The following DIAPH2 variants were observed in gnomAD, a reference collection of about 807,000 sequenced individuals.
DIAPH2 encodes the protein protein diaphanous homolog 2.
Under a neutral mutation model 92.7 loss-of-function variants are expected in DIAPH2, and 35 were observed. The ratio of observed to expected loss-of-function variants is 0.38; its 90% CI spans 0.29 to 0.50. DIAPH2 has a LOEUF of 0.50. Ranked by LOEUF, DIAPH2 falls within the 20% of genes least tolerant of loss-of-function variation. The pLI is 0.94. For missense variants in DIAPH2, 701 were observed against 819.5 expected, an observed-to-expected ratio of 0.86 and a Z score of 1.77; for synonymous variants, 301 against 280.4, an observed-to-expected ratio of 1.07 and a Z score of -0.73.
chrX:97,368,663 C>T (rs1316968966), intron 24 of DIAPH2, among the ~76,000 whole-genome samples: 1 of 102,234 alleles, frequency 9.8e-6, no homozygotes, highest in Non-Finnish European at 2.0e-5. Flanking sequence ...TTAACCACAG[C>T]TCTTTTAAAA....
chrX:97,246,075 G>GT (rs1365094560), intron 22 of DIAPH2, among the ~76,000 whole-genome samples: 9 of 99,996 alleles, frequency 9.0e-5, no homozygotes, highest in Non-Finnish European at 1.6e-4. Context: ...GCTAATTTTT[G>GT]TATTTTTTTT....
At chrX:96,870,596 G>A (rs1207700277) in intron 4 of DIAPH2, among the ~76,000 whole-genome samples, 4 of 110,596 alleles carry the variant, frequency 3.6e-5, no homozygotes, top group African/African-American at 6.6e-5. Context: ...ATTTATTCAT[G>A]TGACAATTAG....
At chrX:97,503,941 G>A (rs2070815679) in intron 26 of DIAPH2, among the ~76,000 whole-genome samples, 1 of 111,550 alleles carries the variant, frequency 9.0e-6, no homozygotes, top group Non-Finnish European at 1.9e-5. Flanking sequence ...AGTCAGCTAT[G>A]TTAAGTAGCC....
rs751751337 is a variant in DIAPH2 at position 97,435,963 on chromosome X, C to T, written c.3241+6218C>T. On this transcript the variant is annotated intron_variant, in intron 26 of 26. Transcript: ENST00000324765. ...GCTGGGACTACAGGGCCTGCCACCA[C>T]GCCCGGCTAATTTTTGTATTTTTAG... Among the ~76,000 whole-genome samples, 90 of 110,068 alleles carry T rather than the reference C, an allele frequency of 8.2e-4. No homozygotes were observed. The Middle Eastern group carries it at 0.023, about 29-fold the overall frequency.
At chrX:97,435,812 T>C (rs2070178160) in intron 26 of DIAPH2, among the ~76,000 whole-genome samples, 1 of 96,965 alleles carries the variant, frequency 1.0e-5, no homozygotes. Flanking sequence ...CTTTTTTTCC[T>C]TTTTTTTTTT....
At chrX:97,167,114 T>G (rs1231267875) in intron 22 of DIAPH2, among the ~76,000 whole-genome samples, 1 of 111,965 alleles carries the variant, frequency 8.9e-6, no homozygotes, top group African/African-American at 3.2e-5. Context: ...TCAATGTACT[T>G]GTGGTCGCCC....
At chrX:97,477,622 CTATCTA>C (rs202057095) in intron 26 of DIAPH2, among the ~76,000 whole-genome samples, 52 of 109,377 alleles carry the variant, frequency 4.8e-4, no homozygotes, top group African/African-American at 1.6e-3. Flanking sequence ...ATCTATCTAT[CTATCTA>C]TATATATATA....
At chrX:97,182,277 C>T (rs1178358495) in intron 22 of DIAPH2, among the ~76,000 whole-genome samples, 1 of 111,554 alleles carries the variant, frequency 9.0e-6, no homozygotes, top group Non-Finnish European at 1.9e-5. Context: ...ATTTGAGGAG[C>T]AATAAGTAGT....
At chrX:96,888,047 C>T (rs1178760717) in intron 5 of DIAPH2, among the ~76,000 whole-genome samples, 1 of 108,394 alleles carries the variant, frequency 9.2e-6, no homozygotes, top group African/African-American at 3.4e-5. Flanking sequence ...TCAGCTCAGA[C>T]CTCTCTGTTT....
chrX:96,717,479 C>A (rs1198101477), intron 1 of DIAPH2, among the ~76,000 whole-genome samples: 2 of 108,038 alleles, frequency 1.9e-5, no homozygotes, highest in Non-Finnish European at 3.8e-5. Context: ...GACTGTATAT[C>A]CTCCCGATAA....
chrX:96,954,068 A>G (rs933522763), intron 15 of DIAPH2: 4 of 112,017 alleles, frequency 3.6e-5, no homozygotes, highest in Non-Finnish European at 7.5e-5. Flanking sequence ...CCACTGTGTT[A>G]AACAGGAGTG....
chrX:97,001,016 G>A (rs1354180919), intron 17 of DIAPH2, among the ~76,000 whole-genome samples: 1 of 112,224 alleles, frequency 8.9e-6, no homozygotes, highest in Non-Finnish European at 1.9e-5. Context: ...CCAGCTTTGA[G>A]AATACTGAAG....
intron 5 of DIAPH2, among the ~76,000 whole-genome samples, chrX:96,902,277 T>A (rs770289063): frequency 8.9e-6 from 1 of 112,260 alleles, no homozygotes; most frequent in South Asian, 3.8e-4. Context: ...GGAAGAATGT[T>A]CTGTAGATTT....
intron 23 of DIAPH2, among the ~76,000 whole-genome samples, chrX:97,287,518 C>CAGT (rs1452152231): frequency 9.1e-6 from 1 of 109,736 alleles, no homozygotes; most frequent in African/African-American, 3.3e-5. Flanking sequence ...CTTTATATAT[C>CAGT]AGTAGGCTAT....
intron 4 of DIAPH2, among the ~76,000 whole-genome samples, chrX:96,780,273 T>C (rs1429413843): frequency 9.0e-6 from 1 of 111,601 alleles, no homozygotes; most frequent in Admixed American, 9.5e-5. Flanking sequence ...TCCCCACTAA[T>C]GGAACACTAC....
intron 26 of DIAPH2, among the ~76,000 whole-genome samples, chrX:97,443,845 T>C (rs1316933038): frequency 8.9e-6 from 1 of 112,134 alleles, no homozygotes; most frequent in Non-Finnish European, 1.9e-5. Context: ...CACTCCCACA[T>C]GGCTACTTAG....
intron 4 of DIAPH2, among the ~76,000 whole-genome samples, chrX:96,861,342 A>T: frequency 8.9e-6 from 1 of 112,065 alleles, no homozygotes; most frequent in Non-Finnish European, 1.9e-5. Context: ...CAGGAAATTG[A>T]CATTGCCGTA....
At chrX:97,218,475 A>G (rs754367119) in intron 22 of DIAPH2, among the ~76,000 whole-genome samples, 10 of 111,876 alleles carry the variant, frequency 8.9e-5, no homozygotes, top group Non-Finnish European at 1.7e-4. Flanking sequence ...CACATATGTA[A>G]CAAGTTATTG....
chrX:96,771,790 A>G (rs2064340861), intron 4 of DIAPH2, among the ~76,000 whole-genome samples: 1 of 111,395 alleles, frequency 9.0e-6, no homozygotes, highest in Non-Finnish European at 1.9e-5. Flanking sequence ...TAATCCCAGC[A>G]CTTTAGGAGG....
Sources: allele counts gnomAD v4.1 joint callset (sites outside exome capture counted in the v4.1 genomes callset), GRCh38; gene constraint gnomAD v4.1.1; transcripts MANE v1.5; gene names NCBI Gene and HGNC (gene_info 2026-07-23, HGNC 2026-07-21).